ZNF519: variants seen among roughly 807,000 people sequenced by gnomAD.
ZNF519 encodes zinc finger protein 519, also known as similar to Zinc finger protein 85 (Zinc finger protein HPF4) (HTF1).
ZNF519 carries 7 observed loss-of-function variants against 7.4 expected under a neutral mutation model. That is an observed-to-expected ratio of 0.94 (90% confidence interval 0.54 to 1.77). The LOEUF is 1.77. Among genes scored for constraint, ZNF519 ranks in the 40% most tolerant of loss-of-function variants. The pLI, the probability that ZNF519 is intolerant of heterozygous loss-of-function variation, is 0.00. For missense variants in ZNF519, 586 were observed against 623.1 expected (o/e 0.94, Z 0.63); for synonymous variants, 179 against 203.3 (o/e 0.88, Z 1.02).
chr18:14,087,924 T>A (rs1187759588), intron 2 of ZNF519, among the ~76,000 whole-genome samples: 1 of 152,166 alleles, frequency 6.6e-6, no homozygotes, highest in Admixed American at 6.5e-5. Flanking sequence ...GTGAGTACAC[T>A]GGACAACATG....
At chr18:14,096,502 T>C (rs958770086), downstream of ZNF519, among the ~76,000 whole-genome samples, 3 of 152,130 alleles carry the variant, frequency 2.0e-5, no homozygotes, top group East Asian at 3.9e-4. Context: ...TTCTCATATG[T>C]CCCACTTTTT....
chr18:14,093,105 G>A (rs1028594380), intron 2 of ZNF519, among the ~76,000 whole-genome samples: 2 of 152,238 alleles, frequency 1.3e-5, no homozygotes, highest in Admixed American at 6.5e-5. Context: ...TCTCAAGAAC[G>A]TGACAGGCAT....
intron 3 of ZNF519, among the ~76,000 whole-genome samples, chr18:14,081,624 A>C (rs1395315568): frequency 6.6e-6 from 1 of 152,154 alleles, no homozygotes; most frequent in Non-Finnish European, 1.5e-5. Context: ...CCCTTTCTTT[A>C]CAGCCTTCCC....
chr18:14,106,085 G>T lies in ZNF519; in HGVS notation c.455C>A (p.Ser152Tyr), dbSNP rs1452026223. Residue 152 changes from serine to tyrosine, a missense_variant, in exon 3 of 3, where the codon TCT (serine) becomes TAT (tyrosine). Physicochemically the swap from Ser to Tyr is moderately radical, Grantham distance 144. Coordinates refer to ENST00000590202, the MANE Select transcript of ZNF519 (RefSeq NM_145287.4). ...TATCTGATTTTTATTACAAAAGACA[G>T]ATTTCAAAAATTTATGTTGATATTT... ...MNKYQHKFLKSVFCNKNQINF... is the reference protein window; with the variant it reads ...MNKYQHKFLKYVFCNKNQINF... 1.2e-6 allele frequency: 2 copies of T among 1,605,474 alleles called. No homozygotes were observed. The highest frequency in any genetic ancestry group is 1.7e-6 in the Non-Finnish European group (2 of 1,177,362).
chr18:14,093,460 T>C (rs947005963), intron 2 of ZNF519, among the ~76,000 whole-genome samples: 1 of 152,232 alleles, frequency 6.6e-6, no homozygotes, highest in Non-Finnish European at 1.5e-5. Context: ...CATGTACATA[T>C]ATGTATACTC....
At chr18:14,079,968 A>C (rs1352123768) in intron 3 of ZNF519, among the ~76,000 whole-genome samples, 1 of 152,166 alleles carries the variant, frequency 6.6e-6, no homozygotes, top group African/African-American at 2.4e-5. Flanking sequence ...GGAAAAGAAA[A>C]GACATAGACT....
exon 5 of ZNF519, chr18:14,076,913 A>G (rs1367060295): frequency 6.6e-6 from 1 of 152,162 alleles, no homozygotes; most frequent in East Asian, 1.9e-4. Flanking sequence ...TAAGTATATA[A>G]TATGTCCAGA....
At chr18:14,121,746 T>C (rs1009650431) in intron 2 of ZNF519, 10 of 152,322 alleles carry the variant, frequency 6.6e-5, no homozygotes, top group Admixed American at 5.9e-4. Context: ...TAGGTATGTG[T>C]ATGTGTATCA....
chr18:14,095,239 C>T (rs750555822), downstream of ZNF519, among the ~76,000 whole-genome samples: 16 of 152,168 alleles, frequency 1.1e-4, no homozygotes, highest in Non-Finnish European at 2.4e-4. Flanking sequence ...GACAGGGAAA[C>T]TCCAGAGGTT....
chr18:14,109,172 T>C (rs2046209557), intron 2 of ZNF519, among the ~76,000 whole-genome samples: 1 of 151,710 alleles, frequency 6.6e-6, no homozygotes, highest in Non-Finnish European at 1.5e-5. Context: ...GATATAAGAA[T>C]GTTACATACA....
chr18:14,098,200 G>C (rs1417230601), downstream of ZNF519, among the ~76,000 whole-genome samples: 1 of 143,198 alleles, frequency 7.0e-6, no homozygotes. Flanking sequence ...TCACTCTGCT[G>C]CCCATGCTGG....
intron 2 of ZNF519, among the ~76,000 whole-genome samples, chr18:14,120,514 A>G (rs975953610): frequency 2.6e-5 from 4 of 152,218 alleles, no homozygotes; most frequent in African/African-American, 9.7e-5. Context: ...CACCAAAAGC[A>G]TAACATTGAA....
chr18:14,119,193 T>C lies in ZNF519; in HGVS notation c.130+5157A>G, dbSNP rs74420580. Among the ~76,000 whole-genome samples, 27 of 152,282 alleles carry C rather than the reference T, an allele frequency of 1.8e-4. No individual in the cohort carries two copies. The East Asian group carries it at 4.8e-3, about 27-fold the overall frequency. ...CCCAGCAGCACCCTTGTGACCCAGC[T>C]TTACAACGCTTCTTCTCTGCAACCC... On this transcript the variant is annotated intron_variant, in intron 2 of 2. Coordinates refer to ENST00000590202, the MANE Select transcript of ZNF519 (RefSeq NM_145287.4).
At chr18:14,128,721 A>T (rs1489847028) in intron 1 of ZNF519, among the ~76,000 whole-genome samples, 2 of 149,394 alleles carry the variant, frequency 1.3e-5, no homozygotes, top group African/African-American at 4.9e-5. Context: ...ACACACACAC[A>T]CACAAAACCA....
At chr18:14,099,293 T>A (rs2046149968), downstream of ZNF519, among the ~76,000 whole-genome samples, 1 of 152,164 alleles carries the variant, frequency 6.6e-6, no homozygotes. Context: ...TGCTTGGTGA[T>A]GGGCACATAA....
In ZNF519 at chr18:14,105,747, C is replaced by T. The variant is rs1359624519; in HGVS notation, c.793G>A (p.Val265Met). The T allele has an allele frequency of 6.2e-7, 1 of 1,613,752 alleles. No homozygotes were observed. Among genetic ancestry groups the T allele is most frequent in the Non-Finnish European group, 8.5e-7 (1 of 1,179,962 alleles). The change falls in exon 3 of 3, where the codon GTG becomes ATG. Residue 265 changes from valine (V) to methionine (M), a missense_variant. By Grantham distance (21) the Val-to-Met change is conservative (BLOSUM62 1). Coordinates refer to ENST00000590202, the MANE Select transcript of ZNF519 (RefSeq NM_145287.4). ...HKIINTGEKS[V>M]KYKERGKAFT... The stretch of plus-strand genomic sequence containing the variant: ...GCTTTGCCACGTTCTTTATATTTCA[C>T]TGATTTTTCTCCAGTGTTAATTATC...
chr18:14,104,667 T>A lies in ZNF519; in HGVS notation c.*250A>T, dbSNP rs150564662. The A allele has an allele frequency of 9.3e-4, 337 of 363,332 alleles. 1 individual carries two copies. In the Middle Eastern group the frequency reaches 0.013, roughly 14 times the overall value. 22.5% of individuals were successfully genotyped at this position (363,332 alleles called of 1,614,324 possible). A position where few individuals can be genotyped will look rare whatever the true frequency, so the allele number is the denominator to read the frequency against. On this transcript the variant is annotated 3_prime_UTR_variant, in exon 3 of 3. Coordinates refer to ENST00000590202, the MANE Select transcript of ZNF519 (RefSeq NM_145287.4). ...TCAATGTCGTCCCTCTTTTTAAACA[T>A]ACAATTTAATTATCTAATTGAGTTT... is the stretch of plus-strand genomic sequence containing the variant.
chr18:14,101,507 C>T lies in ZNF519; in HGVS notation c.*3410G>A. On this transcript the variant is annotated 3_prime_UTR_variant, in exon 3 of 3. Transcript: ENST00000590202. The stretch of plus-strand genomic sequence containing the variant: ...ACAGTGCTGGGGTGAAATGGTGGGG[C>T]TGAAGGAAGGAAACAGACTCAGGGT... 1 of 396,300 alleles carries T rather than the reference C, an allele frequency of 2.5e-6. No homozygotes were observed. The highest frequency in any genetic ancestry group is 4.4e-6 in the Non-Finnish European group (1 of 225,240). 24.5% of individuals were successfully genotyped at this position (396,300 alleles called of 1,614,324 possible). A position where few individuals can be genotyped will look rare whatever the true frequency, so the allele number is the denominator to read the frequency against.
chr18:14,105,713 C>G lies in ZNF519; in HGVS notation c.827G>C (p.Arg276Thr). The G allele has an allele frequency of 6.2e-7, 1 of 1,613,822 alleles. No individual in the cohort carries two copies. The highest frequency in any genetic ancestry group is 8.5e-7 in the Non-Finnish European group (1 of 1,179,960). ...KYKERGKAFT[R>T]GLHLGHQKIH... ...TTTCTGATGTCCAAGATGTAAGCCC[C>G]TGGTAAAAGCTTTGCCACGTTCTTT... The change falls in exon 3 of 3, where the codon AGG (arginine) becomes ACG (threonine). Residue 276 changes from arginine (R) to threonine (T), a missense_variant. By Grantham distance (71) the Arg-to-Thr change is moderately conservative (BLOSUM62 -1). Transcript: ENST00000590202.
Sources: gnomAD v4.1 joint callset for allele counts (sites outside exome capture counted in the v4.1 genomes callset) on GRCh38, gnomAD v4.1.1 for gene constraint, MANE v1.5 for transcripts, NCBI Gene and HGNC (gene_info 2026-07-23, HGNC 2026-07-21) for gene names.